Variants in SLC25A21 observed in about 807,000 individuals in gnomAD.
The protein encoded by SLC25A21 is solute carrier family 25 member 21.
A neutral mutation model predicts 43.8 loss-of-function variants in SLC25A21; 47 were observed. That is an observed-to-expected ratio of 1.07 (90% CI 0.85 to 1.37). The LOEUF is 1.37. SLC25A21 is among the 40% of genes most tolerant of loss of function. The pLI is 0.00. For synonymous variants in SLC25A21, 131 were observed against 121.3 expected, an observed-to-expected ratio of 1.08 and a Z score of -0.52; for missense variants, 352 against 350.2, an observed-to-expected ratio of 1.00 and a Z score of -0.04.
intron 1 of SLC25A21, among the ~76,000 whole-genome samples, chr14:37,032,988 C>T (rs1016003370): frequency 6.6e-6 from 1 of 152,082 alleles, no homozygotes; most frequent in Non-Finnish European, 1.5e-5. Flanking sequence ...AAAAAGAACA[C>T]ATATGAAATT....
chr14:36,710,544 C>T (rs1883810824), intron 7 of SLC25A21, among the ~76,000 whole-genome samples: 2 of 152,114 alleles, frequency 1.3e-5, no homozygotes, highest in South Asian at 2.1e-4. Context: ...GCTCCTCCCA[C>T]CTCAGCCTCC....
At chr14:37,109,264 C>T (rs1962975323) in intron 1 of SLC25A21, among the ~76,000 whole-genome samples, 1 of 151,968 alleles carries the variant, frequency 6.6e-6, no homozygotes, top group South Asian at 2.1e-4. Flanking sequence ...GTGATTCTAC[C>T]TTGCTTTGGA....
intron 1 of SLC25A21, among the ~76,000 whole-genome samples, chr14:37,132,302 T>C (rs954807180): frequency 7.2e-5 from 11 of 152,066 alleles, no homozygotes; most frequent in African/African-American, 2.7e-4. Context: ...AACCACAGCA[T>C]AGGGTGAAGG....
At chr14:36,930,668 C>G (rs1892263075) in intron 1 of SLC25A21, among the ~76,000 whole-genome samples, 1 of 152,122 alleles carries the variant, frequency 6.6e-6, no homozygotes, top group African/African-American at 2.4e-5. Context: ...AATCTTTTCA[C>G]AGCACATTCA....
At chr14:36,748,129 G>C (rs1184248940) in intron 3 of SLC25A21, among the ~76,000 whole-genome samples, 1 of 152,204 alleles carries the variant, frequency 6.6e-6, no homozygotes, top group Non-Finnish European at 1.5e-5. Flanking sequence ...AGGTCTATTT[G>C]ACTCCAAAAC....
At chr14:37,119,593 T>C (rs1963169134) in intron 1 of SLC25A21, among the ~76,000 whole-genome samples, 1 of 151,714 alleles carries the variant, frequency 6.6e-6, no homozygotes, top group South Asian at 2.1e-4. Context: ...AAAAGAACTA[T>C]AAGCATAATC....
intron 1 of SLC25A21, among the ~76,000 whole-genome samples, chr14:37,154,874 T>A (rs1963820925): frequency 6.6e-6 from 1 of 152,020 alleles, no homozygotes; most frequent in Non-Finnish European, 1.5e-5. Flanking sequence ...ACTCCCAACC[T>A]CAGGTGATCT....
At chr14:36,791,760 T>G (rs1359849050) in intron 3 of SLC25A21, among the ~76,000 whole-genome samples, 1 of 152,172 alleles carries the variant, frequency 6.6e-6, no homozygotes, top group East Asian at 1.9e-4. Context: ...CGCTTTGCTC[T>G]CCAACAAAAA....
At chr14:36,719,988 C>T (rs537153142) in intron 6 of SLC25A21, among the ~76,000 whole-genome samples, 2 of 152,158 alleles carry the variant, frequency 1.3e-5, no homozygotes, top group Admixed American at 1.3e-4. Context: ...CAGCTCTGTG[C>T]CGTGCTGCAC....
intron 2 of SLC25A21, among the ~76,000 whole-genome samples, chr14:36,820,259 A>T (rs1206351518): frequency 6.6e-6 from 1 of 152,126 alleles, no homozygotes; most frequent in South Asian, 2.1e-4. Context: ...CACATCCATC[A>T]TTCATCCTTA....
At chr14:37,045,927 G>GT (rs1485443404) in intron 1 of SLC25A21, among the ~76,000 whole-genome samples, 10 of 152,162 alleles carry the variant, frequency 6.6e-5, no homozygotes, top group Non-Finnish European at 1.0e-4. Flanking sequence ...TATTAACAAT[G>GT]TTTTTTGTTT....
chr14:36,997,831 A>AAC (rs1453113036), intron 1 of SLC25A21, among the ~76,000 whole-genome samples: 27 of 152,134 alleles, frequency 1.8e-4, no homozygotes, highest in African/African-American at 6.3e-4. Context: ...AAAAAAAAAA[A>AAC]AACAACTCTA....
chr14:36,705,683 A>G (rs1883516246), intron 7 of SLC25A21, among the ~76,000 whole-genome samples: 1 of 152,172 alleles, frequency 6.6e-6, no homozygotes, highest in Non-Finnish European at 1.5e-5. Flanking sequence ...TTGTAAAACC[A>G]AGTACTTTGA....
At chr14:36,996,745 C>T (rs1190618906) in intron 1 of SLC25A21, among the ~76,000 whole-genome samples, 4 of 152,164 alleles carry the variant, frequency 2.6e-5, no homozygotes, top group East Asian at 1.9e-4. Context: ...ATGAGTCAGC[C>T]GAGGAGTCAG....
At chr14:37,118,049 T>C (rs1275712908) in intron 1 of SLC25A21, among the ~76,000 whole-genome samples, 1 of 151,972 alleles carries the variant, frequency 6.6e-6, no homozygotes, top group Non-Finnish European at 1.5e-5. Flanking sequence ...TAAACCACCT[T>C]TGCAAAACTA....
At chr14:37,138,418 T>C (rs1249313832) in intron 1 of SLC25A21, among the ~76,000 whole-genome samples, 1 of 152,164 alleles carries the variant, frequency 6.6e-6, no homozygotes, top group African/African-American at 2.4e-5. Flanking sequence ...TTATTAACTG[T>C]TTAAAATTTG....
intron 1 of SLC25A21, among the ~76,000 whole-genome samples, chr14:37,031,843 T>C (rs1961217761): frequency 6.6e-6 from 1 of 152,228 alleles, no homozygotes. Context: ...GGTTGGGAGA[T>C]GAGCCCAGAC....
intron 1 of SLC25A21, among the ~76,000 whole-genome samples, chr14:36,897,568 G>C (rs571430774): frequency 6.6e-6 from 1 of 152,086 alleles, no homozygotes; most frequent in African/African-American, 2.4e-5. Flanking sequence ...GCTTTGTTCC[G>C]TTGCTGGTGA....
intron 1 of SLC25A21, among the ~76,000 whole-genome samples, chr14:37,035,395 T>A (rs940407021): frequency 1.7e-4 from 26 of 152,188 alleles, no homozygotes; most frequent in African/African-American, 6.3e-4. Flanking sequence ...TTCACGAGAG[T>A]AGCTATAATA....
Sources: allele counts gnomAD v4.1 joint callset (sites outside exome capture counted in the v4.1 genomes callset), GRCh38; gene constraint gnomAD v4.1.1; transcripts MANE v1.5; gene names NCBI Gene and HGNC (gene_info 2026-07-23, HGNC 2026-07-21).